Variants in CADPS observed in about 807,000 individuals in gnomAD.
The protein encoded by CADPS is calcium dependent secretion activator, also known as calcium-dependent secretion activator 1.
Under a neutral mutation model 167.3 loss-of-function variants are expected in CADPS, and 57 were observed. The ratio of observed to expected loss-of-function variants is 0.34; its 90% CI spans 0.28 to 0.42. CADPS has a LOEUF of 0.42. CADPS is among the 20% of genes least tolerant of loss of function. The pLI is 1.00. For missense variants in CADPS, 1,414 were observed against 1,738.1 expected (o/e 0.81, Z 3.32); for synonymous variants, 676 against 635.3 (o/e 1.06, Z -0.96).
intron 13 of CADPS, among the ~76,000 whole-genome samples, chr3:62,520,027 G>GA: frequency 6.6e-6 from 1 of 152,082 alleles, no homozygotes; most frequent in African/African-American, 2.4e-5. Context: ...TCAACTGGGG[G>GA]AAAAATGGAG....
At chr3:62,627,245 T>C (rs1290707845) in intron 6 of CADPS, among the ~76,000 whole-genome samples, 2 of 152,098 alleles carry the variant, frequency 1.3e-5, no homozygotes, top group African/African-American at 4.8e-5. Context: ...ATCCAATTAT[T>C]CAGTATAATT....
chr3:62,557,002 C>T, intron 10 of CADPS, among the ~76,000 whole-genome samples: 2 of 6,192 alleles, frequency 3.2e-4, no homozygotes, highest in Non-Finnish European at 7.8e-4. Context: ...ACAACACACA[C>T]ACACACACAC....
intron 28 of CADPS, among the ~76,000 whole-genome samples, chr3:62,413,668 T>C (rs888713846): frequency 7.2e-5 from 11 of 152,196 alleles, no homozygotes; most frequent in African/African-American, 2.2e-4. Flanking sequence ...TGAAACGACG[T>C]CTACAGATCG....
chr3:62,491,553 AC>A (rs1410513453), intron 20 of CADPS, 73 bp from the exon 21 acceptor site: 111 of 930,422 alleles, frequency 1.2e-4, no homozygotes, highest in African/African-American at 3.7e-4. Context: ...ACACACACAC[AC>A]ACAAACACAC....
At chr3:62,712,746 C>T (rs1358761061) in intron 3 of CADPS, among the ~76,000 whole-genome samples, 1 of 152,146 alleles carries the variant, frequency 6.6e-6, no homozygotes, top group Non-Finnish European at 1.5e-5. Flanking sequence ...GTGTAACTTG[C>T]CTCAGTTCTT....
chr3:62,707,920 GTTTT>G (rs921425973), intron 3 of CADPS, among the ~76,000 whole-genome samples: 1 of 22,956 alleles, frequency 4.4e-5, no homozygotes, highest in African/African-American at 1.3e-4. Context: ...ACACAGTACT[GTTTT>G]TGTTTTTGTT....
rs1241406145 is a variant in CADPS, at chr3:62,446,234, T to C, written c.3637-437A>G. Among the ~76,000 whole-genome samples the C allele has an allele frequency of 6.6e-6, 1 of 152,184 alleles. No homozygotes were observed. Among genetic ancestry groups the C allele is most frequent in the African/African-American group, 2.4e-5 (1 of 41,444 alleles). ...ACCTCAGTTCTCAGCTTTCATTAAC[T>C]CAGGTTTTTAAGAGGAAGATGGACA... is the stretch of plus-strand genomic sequence containing the variant. On this transcript the variant is annotated intron_variant, in intron 26 of 29. Transcript: ENST00000383710. This position sits in a 1 kb window ranked among gnomAD's most constrained non-coding sequence, Gnocchi z 4.9.
In CADPS at chr3:62,401,732, AT is replaced by A. The variant is rs35897409; in HGVS notation, c.3882+1348del. 4.5e-3 allele frequency among the ~76,000 whole-genome samples: 656 copies of A among 145,464 alleles called. 5 individuals are homozygous for A. The highest frequency in any genetic ancestry group is 0.012 in the African/African-American group (482 of 39,624). On this transcript the variant is annotated intron_variant, in intron 29 of 29. Coordinates refer to ENST00000383710, the MANE Select transcript of CADPS (RefSeq NM_003716.4). ...ATCCCTTCTCTGTGGCTCATACCAC[AT>A]TTTTTTTTTTTTGTTTTGGCAAAAG...
At chr3:62,556,724 G>A (rs2152327072) in intron 10 of CADPS, among the ~76,000 whole-genome samples, 1 of 152,008 alleles carries the variant, frequency 6.6e-6, no homozygotes, top group East Asian at 1.9e-4. Flanking sequence ...GGAGAGGTGC[G>A]AGGGGGCAGG....
chr3:62,741,831 A>G (rs775084511), intron 3 of CADPS, among the ~76,000 whole-genome samples: 1 of 152,204 alleles, frequency 6.6e-6, no homozygotes, highest in Non-Finnish European at 1.5e-5. Flanking sequence ...AGGAAGTCAA[A>G]CTATCCCTGT....
At chr3:62,776,610 C>A (rs996053862) in intron 1 of CADPS, among the ~76,000 whole-genome samples, 2 of 152,044 alleles carry the variant, frequency 1.3e-5, no homozygotes, top group African/African-American at 4.8e-5. Flanking sequence ...GTGGAGATTG[C>A]GCCACTGCAC....
At position 62,874,304 on chromosome 3, in the gene CADPS, GC is replaced by G. The variant is rs1336222383; in HGVS notation, c.441+284del. Among the ~76,000 whole-genome samples, 1 of 152,200 alleles carries G rather than the reference GC, an allele frequency of 6.6e-6. No homozygotes were observed. The highest frequency in any genetic ancestry group is 1.5e-5 in the Non-Finnish European group (1 of 68,030). ...CCTCTCGGTCCACAAAGCGGGACCTGCCTGCCTCGCTCACCAACGCTCCCGG... is the reference window on the plus strand; with the variant it reads ...CCTCTCGGTCCACAAAGCGGGACCTGCTGCCTCGCTCACCAACGCTCCCGG... On this transcript the variant is annotated intron_variant, in intron 1 of 29. Transcript: ENST00000383710. The surrounding 1 kb of genome is among the most constrained non-coding windows in gnomAD (Gnocchi z 7.1).
intron 1 of CADPS, among the ~76,000 whole-genome samples, chr3:62,767,685 G>A (rs2152516471): frequency 1.3e-5 from 2 of 152,166 alleles, no homozygotes; most frequent in Middle Eastern, 6.8e-3. Flanking sequence ...GTGAAGTCAA[G>A]GGTAGATTAA....
intron 3 of CADPS, among the ~76,000 whole-genome samples, chr3:62,739,202 T>C (rs1206457043): frequency 1.3e-5 from 2 of 152,122 alleles, no homozygotes; most frequent in Non-Finnish European, 2.9e-5. Context: ...TAAAACCCTG[T>C]CCAATGGCCA....
chr3:62,820,217 G>A (rs1278502288), intron 1 of CADPS, among the ~76,000 whole-genome samples: 2 of 152,108 alleles, frequency 1.3e-5, no homozygotes, highest in African/African-American at 2.4e-5. Context: ...TGGTACACTG[G>A]GCTCAATCTG....
At chr3:62,494,597 C>CA (rs2064322225) in intron 18 of CADPS, among the ~76,000 whole-genome samples, 1 of 150,878 alleles carries the variant, frequency 6.6e-6, no homozygotes, top group African/African-American at 2.4e-5. Flanking sequence ...CAAAACAAAA[C>CA]AAAAAAACCA....
intron 6 of CADPS, among the ~76,000 whole-genome samples, chr3:62,631,926 G>A (rs9311845): frequency 0.015 from 2,257 of 152,282 alleles, 44 homozygotes; most frequent in African/African-American, 0.051. Context: ...ATAGGATGAT[G>A]GAGGTTGAGC....
intron 3 of CADPS, among the ~76,000 whole-genome samples, chr3:62,671,921 CCTGA>C (rs1486077835): frequency 1.6e-4 from 25 of 151,986 alleles, no homozygotes; most frequent in Non-Finnish European, 3.2e-4. Context: ...TGCCACCACG[CCTGA>C]CTAATTTTTT....
Position 62,874,829 on chromosome 3 carries a change from G to T in CADPS, c.201C>A (p.Ser67Arg). Residue 67 changes from serine (S) to arginine (R), a missense_variant, in exon 1 of 30, where the codon AGC (serine) becomes AGA (arginine). Physicochemically the swap from Ser to Arg is moderately radical, Grantham distance 110. Transcript: ENST00000383710. The surrounding 1 kb of genome is among the most constrained non-coding windows in gnomAD (Gnocchi z 7.1). ...CGGCCCCGCCGCCGCTGCTCGCGCC[G>T]CTGCCCCCGCCGCCGCCTGCACCCA... ...AGVGAGGGGG[S>R]GASSGGGAGG... 9.7e-7 allele frequency: 1 copy of T among 1,035,580 alleles called. No homozygotes were observed. Among genetic ancestry groups the T allele is most frequent in the Non-Finnish European group, 1.2e-6 (1 of 852,986 alleles). 64.1% of individuals were successfully genotyped at this position (1,035,580 alleles called of 1,614,324 possible). A position where few individuals can be genotyped will look rare whatever the true frequency, so the allele number is the denominator to read the frequency against.
Sources: gnomAD v4.1 joint callset for allele counts (sites outside exome capture counted in the v4.1 genomes callset) on GRCh38, gnomAD v4.1.1 for gene constraint, Gnocchi (gnomAD v3.1) non-coding constraint, MANE v1.5 for transcripts, NCBI Gene and HGNC (gene_info 2026-07-23, HGNC 2026-07-21) for gene names.